Variants in C1orf21 observed in about 807,000 individuals in gnomAD.
The protein encoded by C1orf21 is chromosome 1 open reading frame 21.
Under a neutral mutation model 18.7 loss-of-function variants are expected in C1orf21, and 3 were observed. The ratio of observed to expected loss-of-function variants is 0.16; its 90% CI spans 0.07 to 0.42. C1orf21 has a LOEUF of 0.42. Ranked by LOEUF, C1orf21 falls within the 10% of genes least tolerant of loss-of-function variation. C1orf21 has a pLI of 0.99. For missense variants in C1orf21, 104 were observed against 143.6 expected, an observed-to-expected ratio of 0.72 and a Z score of 1.41; for synonymous variants, 41 against 46.4, an observed-to-expected ratio of 0.88 and a Z score of 0.47.
At chr1:184,473,775 C>T (rs1406390290) in intron 1 of C1orf21, among the ~76,000 whole-genome samples, 6 of 152,176 alleles carry the variant, frequency 3.9e-5, no homozygotes, top group Non-Finnish European at 8.8e-5. Context: ...GAGGTGAACT[C>T]TCTTGTCATC....
At chr1:184,527,924 G>A (rs1658402690) in intron 3 of C1orf21, among the ~76,000 whole-genome samples, 2 of 152,148 alleles carry the variant, frequency 1.3e-5, no homozygotes, top group South Asian at 2.1e-4. Context: ...TTATCCCATG[G>A]ACATTGGAAA....
At chr1:184,606,554 T>G (rs1659649621) in intron 5 of C1orf21, among the ~76,000 whole-genome samples, 2 of 152,204 alleles carry the variant, frequency 1.3e-5, no homozygotes, top group Admixed American at 6.6e-5. Flanking sequence ...CACTCCAGCC[T>G]GGGTGACAGA....
At chr1:184,485,477 G>A (rs187575390) in intron 2 of C1orf21, among the ~76,000 whole-genome samples, 117 of 152,316 alleles carry the variant, frequency 7.7e-4, no homozygotes, top group African/African-American at 2.7e-3. Context: ...TTATGTGACT[G>A]AGAGGTAGCA....
At chr1:184,471,560 CTGAGGCAGGCA>C (rs1171315783) in intron 1 of C1orf21, among the ~76,000 whole-genome samples, 1 of 152,108 alleles carries the variant, frequency 6.6e-6, no homozygotes, top group Non-Finnish European at 1.5e-5. Flanking sequence ...AGCCGTGGTC[CTGAGGCAGGCA>C]TGTGACAGCT....
intron 3 of C1orf21, chr1:184,540,131 TTAAA>T (rs1658625133): frequency 6.6e-6 from 1 of 152,226 alleles, no homozygotes; most frequent in African/African-American, 2.4e-5. Context: ...AGTGAAGTCA[TTAAA>T]TAAAGATCCA....
At chr1:184,527,299 T>C (rs929973051) in intron 3 of C1orf21, among the ~76,000 whole-genome samples, 1 of 152,202 alleles carries the variant, frequency 6.6e-6, no homozygotes, top group Non-Finnish European at 1.5e-5. Flanking sequence ...TACAGCAGTA[T>C]ACAAAATAGC....
chr1:184,455,442 C>CTGTT (rs1657183515), intron 1 of C1orf21, among the ~76,000 whole-genome samples: 1 of 152,148 alleles, frequency 6.6e-6, no homozygotes, highest in African/African-American at 2.4e-5. Context: ...AGGTGTATCC[C>CTGTT]AGTCCTGTTG....
At chr1:184,525,926 A>G (rs1401224663) in intron 3 of C1orf21, among the ~76,000 whole-genome samples, 1 of 152,190 alleles carries the variant, frequency 6.6e-6, no homozygotes, top group Non-Finnish European at 1.5e-5. Flanking sequence ...TGGTAAATTA[A>G]TGATTGTAGC....
chr1:184,457,824 A>G (rs899798078), intron 1 of C1orf21, among the ~76,000 whole-genome samples: 3 of 152,214 alleles, frequency 2.0e-5, no homozygotes, highest in Non-Finnish European at 4.4e-5. Flanking sequence ...TATAAAGAGC[A>G]TTTAGGAAAT....
intron 1 of C1orf21, among the ~76,000 whole-genome samples, chr1:184,420,270 A>C (rs1372211834): frequency 6.6e-6 from 1 of 151,640 alleles, no homozygotes; most frequent in Non-Finnish European, 1.5e-5. Context: ...AAACTGAGGC[A>C]TTTTTGTAGC....
At chr1:184,484,501 G>T (rs888777207) in intron 2 of C1orf21, among the ~76,000 whole-genome samples, 3 of 151,932 alleles carry the variant, frequency 2.0e-5, no homozygotes, top group African/African-American at 7.3e-5. Flanking sequence ...AATCTCTCTT[G>T]TGAGCTGGTT....
At chr1:184,499,741 A>G (rs995621584) in intron 2 of C1orf21, among the ~76,000 whole-genome samples, 2 of 152,086 alleles carry the variant, frequency 1.3e-5, no homozygotes, top group Admixed American at 6.5e-5. Context: ...ATTTGAGCCC[A>G]GCACTACCCT....
chr1:184,590,676 A>C lies in C1orf21; in HGVS notation c.190-63A>C, dbSNP rs1217086279. 9.4e-6 allele frequency: 14 copies of C among 1,496,688 alleles called. No individual in the cohort carries two copies. In the East Asian group the frequency reaches 2.9e-4, roughly 31 times the overall value. 92.7% of individuals were successfully genotyped at this position (1,496,688 alleles called of 1,614,324 possible). A position where few individuals can be genotyped will look rare whatever the true frequency, so the allele number is the denominator to read the frequency against. On this transcript the variant is annotated intron_variant, in intron 3 of 5. Transcript: ENST00000235307. ...TTGAACGTTTGTGTGATGAAAACTC[A>C]TACACTTGTTTAATTGTGGATTCTA...
chr1:184,580,573 A>C (rs1418017290), intron 3 of C1orf21, among the ~76,000 whole-genome samples: 1 of 152,234 alleles, frequency 6.6e-6, no homozygotes, highest in Admixed American at 6.5e-5. Context: ...TTCATCTTCA[A>C]CATCATCTCA....
chr1:184,597,293 G>A (rs565598173), intron 4 of C1orf21, among the ~76,000 whole-genome samples: 6 of 152,260 alleles, frequency 3.9e-5, no homozygotes, highest in South Asian at 2.1e-4. Flanking sequence ...TTTGATAACC[G>A]AGTTAATGTC....
rs868366929 is a variant in C1orf21 at position 184,490,933 on chromosome 1, A to T, written c.94+13330A>T. Among the ~76,000 whole-genome samples the T allele has an allele frequency of 5.9e-5, 9 of 152,278 alleles. No individual in the cohort carries two copies. The South Asian group carries it at 6.2e-4, about 11-fold the overall frequency. ...CTTTTTCTAAAGAAGTTTTGTGAAA[A>T]AAAAAAAGCATTTTATAACTATGTA... is the stretch of plus-strand genomic sequence containing the variant. On this transcript the variant is annotated intron_variant, in intron 2 of 5. Transcript: ENST00000235307.
At chr1:184,436,465 G>A (rs1656860118) in intron 1 of C1orf21, among the ~76,000 whole-genome samples, 1 of 151,922 alleles carries the variant, frequency 6.6e-6, no homozygotes, top group Non-Finnish European at 1.5e-5. Context: ...CATTCGGCAT[G>A]ATGCAAAGTT....
rs1265730283 is a variant in C1orf21, at chr1:184,622,319, G to C, written c.*2763G>C. On this transcript the variant is annotated 3_prime_UTR_variant, in exon 6 of 6. Coordinates refer to ENST00000235307, the MANE Select transcript of C1orf21 (RefSeq NM_030806.4). Reference sequence around the variant, plus strand: ...AGGGTTGATAGGCTGGCCGTGTCCGGGGTGAAATTGGAAATCCAGCTGCCT... The same window carrying C: ...AGGGTTGATAGGCTGGCCGTGTCCGCGGTGAAATTGGAAATCCAGCTGCCT... The C allele has an allele frequency of 1.3e-5, 2 of 152,322 alleles. No individual in the cohort carries two copies. Among genetic ancestry groups the C allele is most frequent in the Non-Finnish European group, 2.9e-5 (2 of 68,094 alleles). The allele number at this position is 152,322 out of a possible 1,614,324, so 9.4% of individuals were successfully genotyped here.
chr1:184,541,303 A>G (rs1373853240), intron 3 of C1orf21, among the ~76,000 whole-genome samples: 1 of 152,160 alleles, frequency 6.6e-6, no homozygotes, highest in African/African-American at 2.4e-5. Context: ...CAGGACCCCT[A>G]GGTTTTATTT....
Sources: allele counts gnomAD v4.1 joint callset (sites outside exome capture counted in the v4.1 genomes callset), GRCh38; gene constraint gnomAD v4.1.1; transcripts MANE v1.5; gene names NCBI Gene and HGNC (gene_info 2026-07-23, HGNC 2026-07-21).